The following ACER3 variants were observed in gnomAD, a reference collection of about 807,000 sequenced individuals.
ACER3 encodes alkCDase 3.
In ACER3, 16 loss-of-function variants were observed where a neutral mutation model predicts 48.9. The observed-to-expected ratio is 0.33, with a 90% CI of 0.22 to 0.50. ACER3 has a LOEUF of 0.50. Among genes scored for constraint, ACER3 ranks in the 20% least tolerant of loss-of-function variants. ACER3 has a pLI of 0.98. For missense variants in ACER3, 227 were observed against 326.0 expected, an observed-to-expected ratio of 0.70 and a Z score of 2.34; for synonymous variants, 109 against 107.8, an observed-to-expected ratio of 1.01 and a Z score of -0.07.
At chr11:76,864,596 A>ATTTTTTTTTTTTTTTTTTTTT (rs772026324) in intron 1 of ACER3, among the ~76,000 whole-genome samples, 2 of 99,926 alleles carry the variant, frequency 2.0e-5, no homozygotes, top group Non-Finnish European at 4.0e-5. Flanking sequence ...TGGAATGGGT[A>ATTTTTTTTTTTTTTTTTTTTT]TTTTTTTTTT....
chr11:76,966,991 A>G (rs1948154829), intron 3 of ACER3, among the ~76,000 whole-genome samples: 1 of 152,278 alleles, frequency 6.6e-6, no homozygotes, highest in Non-Finnish European at 1.5e-5. Flanking sequence ...GACACAAAAA[A>G]CCCTTCAAAA....
chr11:76,980,220 C>A (rs681164), intron 4 of ACER3, among the ~76,000 whole-genome samples: 1 of 151,964 alleles, frequency 6.6e-6, no homozygotes, highest in Non-Finnish European at 1.5e-5. Flanking sequence ...TAGTTTGTCA[C>A]CTTGGTCTAA....
intron 2 of ACER3, among the ~76,000 whole-genome samples, chr11:76,931,854 T>TC (rs1189057259): frequency 6.6e-6 from 1 of 152,140 alleles, no homozygotes; most frequent in African/African-American, 2.4e-5. Flanking sequence ...CTGATGGGCT[T>TC]CCCTTTGTGG....
At chr11:76,940,150 T>A (rs78742609) in intron 2 of ACER3, among the ~76,000 whole-genome samples, 57 of 148,256 alleles carry the variant, frequency 3.8e-4, no homozygotes, top group African/African-American at 1.3e-3. Flanking sequence ...GATACTTAAA[T>A]TTTTTTTTTT....
At chr11:76,861,198 A>G (rs1944929084) in intron 1 of ACER3, 119 bp downstream of exon 1, 6 of 1,025,956 alleles carry the variant, frequency 5.8e-6, no homozygotes, top group Middle Eastern at 3.3e-4. Flanking sequence ...TGGCCCCGGG[A>G]GCTGGAATGC....
intron 1 of ACER3, among the ~76,000 whole-genome samples, chr11:76,878,178 T>C (rs1024170977): frequency 6.6e-6 from 1 of 152,046 alleles, no homozygotes; most frequent in Non-Finnish European, 1.5e-5. Context: ...AGGGTTTCTG[T>C]GTATACTTAG....
chr11:76,873,177 G>A (rs1310336239), intron 1 of ACER3, among the ~76,000 whole-genome samples: 3 of 151,970 alleles, frequency 2.0e-5, no homozygotes, highest in Admixed American at 1.3e-4. Context: ...AAAGTGTTGG[G>A]ATTACGGGCA....
chr11:76,870,230 C>G (rs1235895084), intron 1 of ACER3, among the ~76,000 whole-genome samples: 1 of 150,844 alleles, frequency 6.6e-6, no homozygotes, highest in African/African-American at 2.4e-5. Flanking sequence ...CTCCTGGGCT[C>G]AAGTGATCCT....
rs1425531521 is a variant in ACER3 at position 76,948,194 on chromosome 11, C to CTCCAT, written c.215-10782_215-10778dup. On this transcript the variant is annotated intron_variant, in intron 2 of 10. Coordinates refer to ENST00000532485, the MANE Select transcript of ACER3 (RefSeq NM_018367.7). ...TATTACCATTCTGTTATTGCTGTAG[C>CTCCAT]TCCATTCTGGCTCACTCTGTGTGTG... is the stretch of plus-strand genomic sequence containing the variant. Among the ~76,000 whole-genome samples the CTCCAT allele has an allele frequency of 5.4e-5, 8 of 149,030 alleles. No homozygotes were observed. In the East Asian group the frequency reaches 1.6e-3, roughly 30 times the overall value.
chr11:76,994,692 G>A (rs1280601101), intron 6 of ACER3, among the ~76,000 whole-genome samples: 5 of 152,156 alleles, frequency 3.3e-5, no homozygotes, highest in East Asian at 3.8e-4. Flanking sequence ...TGCCTCTCCC[G>A]TCTCTGTCCA....
intron 6 of ACER3, among the ~76,000 whole-genome samples, chr11:76,996,125 C>G (rs1166714960): frequency 6.6e-6 from 1 of 152,122 alleles, no homozygotes; most frequent in African/African-American, 2.4e-5. Context: ...ACCAGGCCAT[C>G]ATCCTTGTCT....
intron 1 of ACER3, among the ~76,000 whole-genome samples, chr11:76,869,613 A>T (rs1280506561): frequency 1.3e-5 from 2 of 152,162 alleles, no homozygotes; most frequent in East Asian, 3.8e-4. Flanking sequence ...TACAAAACTA[A>T]AACTCTGTAT....
rs561893632 is a variant in ACER3, at chr11:77,011,712, TA to T, written c.498-3293del. Among the ~76,000 whole-genome samples the T allele has an allele frequency of 2.6e-3, 385 of 146,930 alleles. 5 individuals are homozygous for T. The highest frequency in any genetic ancestry group is 7.9e-3 in the East Asian group (40 of 5,054). On this transcript the variant is annotated intron_variant, in intron 7 of 10. Transcript: ENST00000532485. ...TTATATGCCAATACTTACAGTTAAG[TA>T]AAAAAAAAAATTGAAAAATTTATTA... is the stretch of plus-strand genomic sequence containing the variant.
rs1336813993 is a variant in ACER3, at chr11:76,860,976, G to A, written c.-1G>A. 2.6e-6 allele frequency: 4 copies of A among 1,532,354 alleles called. No individual in the cohort carries two copies. The highest frequency in any genetic ancestry group is 2.8e-5 in the African/African-American group (2 of 71,900). 94.9% of individuals were successfully genotyped at this position (1,532,354 alleles called of 1,614,324 possible). A position where few individuals can be genotyped will look rare whatever the true frequency, so the allele number is the denominator to read the frequency against. Reference sequence around the variant, plus strand: ...GCCTGGGCGGCGGCGGCGGCGGCGTGATGGCTCCGGCCGCGGACCGAGAGG... The same window carrying A: ...GCCTGGGCGGCGGCGGCGGCGGCGTAATGGCTCCGGCCGCGGACCGAGAGG... On this transcript the variant is annotated 5_prime_UTR_variant, in exon 1 of 11. Transcript: ENST00000532485.
At chr11:76,921,979 C>A (rs992939218) in intron 1 of ACER3, among the ~76,000 whole-genome samples, 1 of 151,950 alleles carries the variant, frequency 6.6e-6, no homozygotes, top group East Asian at 1.9e-4. Flanking sequence ...GTTTAGGGTG[C>A]CACAAATAGA....
chr11:76,895,274 C>G (rs1174156092), intron 1 of ACER3, among the ~76,000 whole-genome samples: 3 of 152,066 alleles, frequency 2.0e-5, no homozygotes, highest in Admixed American at 1.3e-4. Flanking sequence ...TTCTATATCT[C>G]AATATCATAT....
At chr11:76,970,943 A>G (rs1948282055) in intron 3 of ACER3, among the ~76,000 whole-genome samples, 1 of 152,168 alleles carries the variant, frequency 6.6e-6, no homozygotes. Flanking sequence ...CCCATTCCGG[A>G]CATTTCATAT....
intron 2 of ACER3, among the ~76,000 whole-genome samples, chr11:76,936,569 A>G (rs1033219588): frequency 1.3e-5 from 2 of 152,168 alleles, no homozygotes; most frequent in African/African-American, 2.4e-5. Flanking sequence ...CTTTTGTTAT[A>G]TAACATTTAC....
At chr11:76,920,913 A>G (rs1419179380) in intron 1 of ACER3, among the ~76,000 whole-genome samples, 3 of 152,220 alleles carry the variant, frequency 2.0e-5, no homozygotes. Flanking sequence ...TGCTGGGATT[A>G]TAGCCATGAT....
Sources: gnomAD v4.1 joint callset for allele counts (sites outside exome capture counted in the v4.1 genomes callset) on GRCh38, gnomAD v4.1.1 for gene constraint, MANE v1.5 for transcripts, NCBI Gene and HGNC (gene_info 2026-07-23, HGNC 2026-07-21) for gene names.